NLGN1: variants seen among roughly 807,000 people sequenced by gnomAD.
The protein encoded by NLGN1 is neuroligin 1.
A neutral mutation model predicts 65.5 loss-of-function variants in NLGN1; 12 were observed. The observed-to-expected ratio is 0.18, with a 90% CI of 0.12 to 0.30. NLGN1 has a LOEUF of 0.30. NLGN1 is among the 10% of genes least tolerant of loss of function. NLGN1 has a pLI of 1.00. For missense variants in NLGN1, 750 were observed against 1,007.1 expected, an observed-to-expected ratio of 0.74 and a Z score of 3.46; for synonymous variants, 350 against 359.5, an observed-to-expected ratio of 0.97 and a Z score of 0.30.
chr3:173,863,184 A>G (rs1729484550), intron 4 of NLGN1, among the ~76,000 whole-genome samples: 1 of 151,852 alleles, frequency 6.6e-6, no homozygotes, highest in African/African-American at 2.4e-5. Flanking sequence ...ACCTATTTGT[A>G]TATATGTTCC....
chr3:173,866,373 C>A (rs989439389), intron 4 of NLGN1, among the ~76,000 whole-genome samples: 16 of 151,468 alleles, frequency 1.1e-4, no homozygotes, highest in African/African-American at 3.9e-4. Flanking sequence ...AACAAACAAA[C>A]AAAAAAAGGC....
At chr3:173,986,634 A>C (rs1280050689) in intron 4 of NLGN1, among the ~76,000 whole-genome samples, 1 of 152,166 alleles carries the variant, frequency 6.6e-6, no homozygotes, top group African/African-American at 2.4e-5. Flanking sequence ...TAACCTCCAC[A>C]AATGTGAGAT....
chr3:173,954,809 A>C (rs1481951525), intron 4 of NLGN1, among the ~76,000 whole-genome samples: 1 of 152,190 alleles, frequency 6.6e-6, no homozygotes, highest in Non-Finnish European at 1.5e-5. Flanking sequence ...CAACATAAAC[A>C]TACATATATA....
chr3:173,520,389 G>A (rs1233273442), intron 2 of NLGN1, among the ~76,000 whole-genome samples: 1 of 152,122 alleles, frequency 6.6e-6, no homozygotes, highest in East Asian at 1.9e-4. Flanking sequence ...ACTTGATATT[G>A]ATAACCTTTG....
At chr3:173,668,413 A>G (rs1762007930) in intron 3 of NLGN1, among the ~76,000 whole-genome samples, 1 of 152,038 alleles carries the variant, frequency 6.6e-6, no homozygotes, top group Non-Finnish European at 1.5e-5. Flanking sequence ...TGGCTAGTGA[A>G]AAACGAAGAA....
At position 174,006,114 on chromosome 3, in the gene NLGN1, C is replaced by T. The variant is rs181571386; in HGVS notation, c.646+198282C>T. Among the ~76,000 whole-genome samples the T allele has an allele frequency of 4.7e-4, 71 of 152,204 alleles. 1 individual carries two copies. The highest frequency in any genetic ancestry group is 1.6e-3 in the African/African-American group (66 of 41,550). ...ACATAATGGTCTTTCTCAGAGTTTA[C>T]TCTTCTCAATCTCTCTGCCCCATAA... On this transcript the variant is annotated intron_variant, in intron 4 of 6. Transcript: ENST00000457714.
At chr3:173,993,030 G>A (rs1721451634) in intron 4 of NLGN1, among the ~76,000 whole-genome samples, 1 of 152,104 alleles carries the variant, frequency 6.6e-6, no homozygotes, top group South Asian at 2.1e-4. Flanking sequence ...GGGATAAATG[G>A]TTCTTCATTA....
At chr3:173,506,653 A>G (rs189670599) in intron 2 of NLGN1, among the ~76,000 whole-genome samples, 29 of 152,206 alleles carry the variant, frequency 1.9e-4, no homozygotes, top group African/African-American at 6.7e-4. Flanking sequence ...ATAAATACCC[A>G]TATTACATTT....
intron 4 of NLGN1, among the ~76,000 whole-genome samples, chr3:174,148,440 T>C (rs1723742653): frequency 6.6e-6 from 1 of 152,206 alleles, no homozygotes; most frequent in Non-Finnish European, 1.5e-5. Flanking sequence ...CCTCTGCTAA[T>C]TTAGAAATAC....
intron 3 of NLGN1, among the ~76,000 whole-genome samples, chr3:173,758,467 C>T (rs1373204223): frequency 1.3e-5 from 2 of 151,964 alleles, no homozygotes; most frequent in African/African-American, 2.4e-5. Context: ...TCTCTTTTTA[C>T]TGCTTTTAAC....
chr3:173,648,615 C>T lies in NLGN1; in HGVS notation c.493+43524C>T, dbSNP rs115848909. On this transcript the variant is annotated intron_variant, in intron 3 of 6. Coordinates refer to ENST00000457714, the Ensembl canonical transcript of NLGN1. Reference sequence around the variant, plus strand: ...TTTTAGACAAAGTCTCACTTTATTGCCCAGGCTGGAGTGCAGGGGCCCTAT... The same window carrying T: ...TTTTAGACAAAGTCTCACTTTATTGTCCAGGCTGGAGTGCAGGGGCCCTAT... Among the ~76,000 whole-genome samples, 993 of 151,836 alleles carry T rather than the reference C, an allele frequency of 6.5e-3. 13 individuals carry two copies. Among genetic ancestry groups the T allele is most frequent in the African/African-American group, 0.023 (948 of 41,380 alleles).
At chr3:174,188,763 T>G (rs900073160) in intron 4 of NLGN1, among the ~76,000 whole-genome samples, 1 of 151,928 alleles carries the variant, frequency 6.6e-6, no homozygotes, top group Non-Finnish European at 1.5e-5. Flanking sequence ...GAATATAGGT[T>G]TTGATATTCT....
At chr3:173,736,759 CTTACAATATGATTATGA>C (rs1773837883) in intron 3 of NLGN1, among the ~76,000 whole-genome samples, 1 of 152,028 alleles carries the variant, frequency 6.6e-6, no homozygotes, top group African/African-American at 2.4e-5. Flanking sequence ...ACCCAATTCA[CTTACAATATGATTATGA>C]CTTCAAAGTA....
At chr3:173,522,855 ATATGGG>A (rs1415777553) in intron 2 of NLGN1, among the ~76,000 whole-genome samples, 1 of 152,080 alleles carries the variant, frequency 6.6e-6, no homozygotes, top group African/African-American at 2.4e-5. Context: ...ACAGTTTTTC[ATATGGG>A]TTTAACTATA....
intron 2 of NLGN1, among the ~76,000 whole-genome samples, chr3:173,531,225 C>T (rs568333772): frequency 5.9e-5 from 9 of 151,732 alleles, no homozygotes; most frequent in Non-Finnish European, 1.3e-4. Context: ...ACTTTGATGC[C>T]AAGAAAATTG....
At chr3:173,960,818 A>G (rs1230431737) in intron 4 of NLGN1, among the ~76,000 whole-genome samples, 1 of 151,860 alleles carries the variant, frequency 6.6e-6, no homozygotes, top group African/African-American at 2.4e-5. Flanking sequence ...GAAGTTCTAA[A>G]GGGTTTATCT....
chr3:173,553,911 T>C (rs1269367019), intron 2 of NLGN1, among the ~76,000 whole-genome samples: 2 of 152,108 alleles, frequency 1.3e-5, no homozygotes, highest in South Asian at 4.1e-4. Context: ...GAGACTAAAT[T>C]TTCCCCCTGG....
chr3:174,292,029 G>A, the NLGN1 span, among the ~76,000 whole-genome samples: 1 of 151,254 alleles, frequency 6.6e-6, no homozygotes, highest in African/African-American at 2.4e-5. Flanking sequence ...ACAGAATACA[G>A]CAAAGAGGGA....
At chr3:173,464,396 A>G (rs118030667) in intron 2 of NLGN1, among the ~76,000 whole-genome samples, 7 of 151,708 alleles carry the variant, frequency 4.6e-5, no homozygotes, top group Admixed American at 2.0e-4. Flanking sequence ...GTATAAATCC[A>G]CATTATTCAT....
Sources: gnomAD v4.1 joint callset for allele counts (sites outside exome capture counted in the v4.1 genomes callset) on GRCh38, gnomAD v4.1.1 for gene constraint, MANE v1.5 for transcripts, NCBI Gene and HGNC (gene_info 2026-07-23, HGNC 2026-07-21) for gene names.